Variants in POT1 observed in about 807,000 individuals in gnomAD.
POT1 encodes protection of telomeres 1, also known as protection of telomeres protein 1.
Under a neutral mutation model 78.5 loss-of-function variants are expected in POT1, and 47 were observed. The ratio of observed to expected loss-of-function variants is 0.60; its 90% CI spans 0.47 to 0.76. The LOEUF is 0.76. Ranked by LOEUF, POT1 falls within the 30% of genes least tolerant of loss-of-function variation. The pLI, the probability that POT1 is intolerant of heterozygous loss-of-function variation, is 0.00. For missense variants in POT1, 646 were observed against 749.9 expected, an observed-to-expected ratio of 0.86 and a Z score of 1.62; for synonymous variants, 259 against 260.7, an observed-to-expected ratio of 0.99 and a Z score of 0.06.
chr7:124,896,294 T>C (rs1046255134), intron 5 of POT1, among the ~76,000 whole-genome samples: 2 of 151,872 alleles, frequency 1.3e-5, no homozygotes, highest in African/African-American at 4.8e-5. Context: ...AGAGGCTTTT[T>C]CATTTATTCC....
chr7:124,858,599 T>A (rs1795503422), intron 9 of POT1, among the ~76,000 whole-genome samples: 3 of 152,044 alleles, frequency 2.0e-5, no homozygotes, highest in Non-Finnish European at 4.4e-5. Context: ...TCAGCTACAT[T>A]CTATCAAACC....
intron 6 of POT1, among the ~76,000 whole-genome samples, chr7:124,873,923 T>TC (rs1795929150): frequency 6.6e-6 from 1 of 152,118 alleles, no homozygotes; most frequent in African/African-American, 2.4e-5. Flanking sequence ...ACAAGGTGGC[T>TC]ACAGTGAAGA....
chr7:124,846,975 C>T lies in POT1; in HGVS notation c.973G>A (p.Glu325Lys), dbSNP rs1554421987. 6.2e-7 allele frequency: 1 copy of T among 1,605,502 alleles called. No individual in the cohort carries two copies. Among genetic ancestry groups the T allele is most frequent in the Non-Finnish European group, 8.5e-7 (1 of 1,172,660 alleles). Residue 325 changes from glutamate (E) to lysine (K), a missense_variant, in exon 12 of 19, where the codon GAG (glutamate) becomes AAG (lysine). By Grantham distance (56) the Glu-to-Lys change is moderately conservative. Coordinates refer to ENST00000357628, the MANE Select transcript of POT1 (RefSeq NM_015450.3). ...GATAGCTGTTGACATCTTTCTACCT[C>T]GTATAATGATACTGATCCAGAGCCT... is the stretch of plus-strand genomic sequence containing the variant. ...FPSSGSVSLY[E>K]VERCQQLSAT...
chr7:124,848,177 T>C (rs1584762431), intron 11 of POT1, among the ~76,000 whole-genome samples: 1 of 152,188 alleles, frequency 6.6e-6, no homozygotes, highest in Non-Finnish European at 1.5e-5. Flanking sequence ...TACACGTTTA[T>C]GTATTAGTCA....
intron 15 of POT1, 118 bp downstream of exon 15, chr7:124,835,161 G>T: frequency 8.1e-7 from 1 of 1,229,690 alleles, no homozygotes; most frequent in Non-Finnish European, 1.1e-6. Context: ...GTTGATGGGT[G>T]CAGCAAACCA....
intron 14 of POT1, among the ~76,000 whole-genome samples, chr7:124,837,621 T>C (rs1324701747): frequency 2.0e-5 from 3 of 152,034 alleles, no homozygotes; most frequent in African/African-American, 7.2e-5. Flanking sequence ...ATTGTTTCAA[T>C]AGCTAAGTCT....
At chr7:124,872,340 C>T (rs1001334894) in intron 6 of POT1, among the ~76,000 whole-genome samples, 26 of 152,178 alleles carry the variant, frequency 1.7e-4, no homozygotes, top group African/African-American at 6.3e-4. Flanking sequence ...CATAGTAGTA[C>T]TCCCTATCTG....
intron 8 of POT1, among the ~76,000 whole-genome samples, chr7:124,862,407 T>C (rs1317371089): frequency 2.6e-5 from 4 of 152,338 alleles, no homozygotes; most frequent in South Asian, 4.1e-4. Context: ...CTGGTTGACC[T>C]AGATTCGCTC....
At chr7:124,858,521 T>G (rs1795501785) in intron 9 of POT1, among the ~76,000 whole-genome samples, 1 of 151,962 alleles carries the variant, frequency 6.6e-6, no homozygotes, top group Non-Finnish European at 1.5e-5. Context: ...TATAAACTTG[T>G]AATATAAATA....
intron 9 of POT1, among the ~76,000 whole-genome samples, chr7:124,857,672 C>T (rs747709354): frequency 6.6e-6 from 1 of 152,168 alleles, no homozygotes; most frequent in Non-Finnish European, 1.5e-5. Context: ...GGTAAGACTA[C>T]CTTCCTGCTC....
chr7:124,902,709 C>A (rs1159770753), intron 3 of POT1, among the ~76,000 whole-genome samples: 2 of 152,052 alleles, frequency 1.3e-5, no homozygotes, highest in African/African-American at 4.8e-5. Flanking sequence ...CTAAATGCTC[C>A]AATTAAAAGA....
At chr7:124,884,394 G>C (rs1362094065) in intron 6 of POT1, among the ~76,000 whole-genome samples, 1 of 152,156 alleles carries the variant, frequency 6.6e-6, no homozygotes, top group East Asian at 1.9e-4. Flanking sequence ...AGGTGTCCTT[G>C]TAAGACAGTG....
chr7:124,878,454 T>A (rs972978390), intron 6 of POT1, among the ~76,000 whole-genome samples: 7 of 152,218 alleles, frequency 4.6e-5, no homozygotes, highest in Non-Finnish European at 7.3e-5. Flanking sequence ...ATGTATTGCA[T>A]ATTTCAAAAT....
chr7:124,850,523 C>A (rs747086642), intron 11 of POT1, among the ~76,000 whole-genome samples: 41 of 152,056 alleles, frequency 2.7e-4, no homozygotes, highest in Non-Finnish European at 5.9e-5. Context: ...GTCAGGAGAT[C>A]GAGACCATAC....
intron 6 of POT1, among the ~76,000 whole-genome samples, chr7:124,882,199 T>C (rs1038355929): frequency 3.3e-5 from 5 of 151,996 alleles, no homozygotes; most frequent in African/African-American, 1.2e-4. Flanking sequence ...AAAAAGTTCT[T>C]CCATGAAAGT....
intron 5 of POT1, among the ~76,000 whole-genome samples, chr7:124,896,747 T>A (rs1473390860): frequency 1.3e-5 from 2 of 151,692 alleles, no homozygotes; most frequent in Admixed American, 6.6e-5. Flanking sequence ...ATCATAAGTA[T>A]AAGAAAACTA....
At chr7:124,901,612 C>A (rs1796621545) in intron 3 of POT1, among the ~76,000 whole-genome samples, 1 of 152,192 alleles carries the variant, frequency 6.6e-6, no homozygotes, top group Admixed American at 6.5e-5. Context: ...AAAATCAGAG[C>A]ACCTCTTCTC....
At chr7:124,909,633 A>C (rs1393006000) in intron 3 of POT1, among the ~76,000 whole-genome samples, 1 of 151,908 alleles carries the variant, frequency 6.6e-6, no homozygotes, top group Non-Finnish European at 1.5e-5. Context: ...TTGACTTACC[A>C]TTATTAACAA....
rs2116414961 is a variant in POT1, at chr7:124,827,266, G to A, written c.1634C>T (p.Thr545Ile). The A allele has an allele frequency of 2.5e-6, 4 of 1,600,632 alleles. No homozygotes were observed. Among genetic ancestry groups the A allele is most frequent in the Non-Finnish European group, 3.4e-6 (4 of 1,169,970 alleles). ...IVPLQYVFVM[T>I]FTLDDGTGVL... ...TCCTGTTCCATCATCAAGTGTAAAG[G>A]TCATAACAAACACATATTGGAGGGG... The change falls in exon 17 of 19, where the codon ACC (threonine) becomes ATC (isoleucine). Residue 545 changes from threonine to isoleucine, a missense_variant. Physicochemically the swap from Thr to Ile is moderately conservative, Grantham distance 89 (BLOSUM62 -1). Around this residue, in one of 2 missense-constraint regions of POT1, gnomAD observed 394 missense variants for 408.4 expected, o/e 0.96. Transcript: ENST00000357628.
Sources: gnomAD v4.1 joint callset for allele counts (sites outside exome capture counted in the v4.1 genomes callset) on GRCh38, gnomAD v4.1.1 for gene constraint, gnomAD v4.1.1 regional missense constraint, MANE v1.5 for transcripts, NCBI Gene and HGNC (gene_info 2026-07-23, HGNC 2026-07-21) for gene names.